The following VPS54 variants were observed in gnomAD, a reference collection of about 807,000 sequenced individuals.
The protein encoded by VPS54 is VPS54 subunit of GARP complex.
In VPS54, 45 loss-of-function variants were observed where a neutral mutation model predicts 121.5. That is an observed-to-expected ratio of 0.37 (90% CI 0.29 to 0.47). The LOEUF is 0.47. Ranked by LOEUF, VPS54 falls within the 20% of genes least tolerant of loss-of-function variation. VPS54 has a pLI of 0.99. For missense variants in VPS54, 1,090 were observed against 1,131.4 expected, an observed-to-expected ratio of 0.96 and a Z score of 0.52; for synonymous variants, 371 against 385.8, an observed-to-expected ratio of 0.96 and a Z score of 0.45.
intron 6 of VPS54, among the ~76,000 whole-genome samples, chr2:63,964,973 G>C (rs978865870): frequency 1.3e-5 from 2 of 152,134 alleles, no homozygotes; most frequent in Non-Finnish European, 2.9e-5. Flanking sequence ...GACTTTCAAG[G>C]TGCTGACTTC....
intron 1 of VPS54, among the ~76,000 whole-genome samples, chr2:63,986,803 C>T (rs1177788512): frequency 1.3e-5 from 2 of 152,304 alleles, no homozygotes; most frequent in African/African-American, 2.4e-5. Flanking sequence ...GGTGAGATAG[C>T]TCATTGTACT....
chr2:64,011,513 C>T (rs568432477), intron 1 of VPS54, among the ~76,000 whole-genome samples: 114 of 152,120 alleles, frequency 7.5e-4, no homozygotes, highest in Non-Finnish European at 1.5e-3. Context: ...TTGCAGTGAG[C>T]CGTGATTATA....
intron 3 of VPS54, among the ~76,000 whole-genome samples, chr2:63,980,992 A>G (rs1281381387): frequency 6.6e-6 from 1 of 152,230 alleles, no homozygotes; most frequent in Admixed American, 6.5e-5. Flanking sequence ...CATATTCAAA[A>G]AAGTGCAAAG....
chr2:63,960,968 G>A (rs780460170), intron 7 of VPS54, among the ~76,000 whole-genome samples: 12 of 152,242 alleles, frequency 7.9e-5, no homozygotes, highest in Non-Finnish European at 1.3e-4. Context: ...GACTCAGAAC[G>A]TTTTCTTAAC....
At chr2:63,909,413 C>CTTTT (rs5831673) in intron 20 of VPS54, among the ~76,000 whole-genome samples, 1 of 69,922 alleles carries the variant, frequency 1.4e-5, no homozygotes, top group Admixed American at 1.9e-4. Context: ...TATTAGCTGC[C>CTTTT]TTTTTTTTTT....
chr2:63,913,164 G>A lies in VPS54; in HGVS notation c.2422+59C>T, dbSNP rs891357433. On this transcript the variant is annotated intron_variant, in intron 18 of 22. Coordinates refer to ENST00000272322, the MANE Select transcript of VPS54 (RefSeq NM_016516.3). Reference sequence around the variant, plus strand: ...AACATGAGGTATAAAAAAACATGATGAGAACAGTGACATCACTGTTAACAC... The same window carrying A: ...AACATGAGGTATAAAAAAACATGATAAGAACAGTGACATCACTGTTAACAC... 10 of 1,376,844 alleles carry A rather than the reference G, an allele frequency of 7.3e-6. No homozygotes were observed. In the South Asian group the frequency reaches 1.2e-4, roughly 17 times the overall value. 85.3% of individuals were successfully genotyped at this position (1,376,844 alleles called of 1,614,324 possible).
intron 1 of VPS54, among the ~76,000 whole-genome samples, chr2:64,009,584 G>C (rs554071031): frequency 6.6e-6 from 1 of 152,202 alleles, no homozygotes; most frequent in African/African-American, 2.4e-5. Flanking sequence ...CCAAAGTGCT[G>C]GGATTACAGG....
In VPS54 at chr2:63,914,818, A is replaced by T. The variant is rs759382151; in HGVS notation, c.2229-531T>A. 2.0e-5 allele frequency among the ~76,000 whole-genome samples: 3 copies of T among 152,118 alleles called. No individual in the cohort carries two copies. The South Asian group carries it at 6.2e-4, about 32-fold the overall frequency. On this transcript the variant is annotated intron_variant, in intron 16 of 22. Transcript: ENST00000272322. ...GGCTTCTAAGGAAAACATGTCTCCT[A>T]AGAATTTTATTGGTAGGTCACAAAA... is the stretch of plus-strand genomic sequence containing the variant.
intron 1 of VPS54, among the ~76,000 whole-genome samples, chr2:63,998,939 G>A (rs1677740273): frequency 6.6e-6 from 1 of 151,516 alleles, no homozygotes; most frequent in Admixed American, 6.6e-5. Context: ...CTTTTTTATT[G>A]AAGTACATAC....
In VPS54 at chr2:63,940,330, A is replaced by G. The variant is rs146325295; in HGVS notation, c.1398+2135T>C. Among the ~76,000 whole-genome samples the G allele has an allele frequency of 3.8e-4, 58 of 152,326 alleles. No homozygotes were observed. In the East Asian group the frequency reaches 0.01, roughly 27 times the overall value. On this transcript the variant is annotated intron_variant, in intron 11 of 22. Transcript: ENST00000272322. ...TTCACAGAAAAAAGTACCATATTTC[A>G]TGTCATCTGTAAAGATGTTGTACAT...
chr2:63,979,178 A>G (rs1676686279), intron 3 of VPS54, among the ~76,000 whole-genome samples: 1 of 150,504 alleles, frequency 6.6e-6, no homozygotes, highest in Non-Finnish European at 1.5e-5. Flanking sequence ...TTTTTGTTTC[A>G]CTAATTTTCT....
At chr2:63,926,553 A>G (rs983092591) in intron 12 of VPS54, among the ~76,000 whole-genome samples, 2 of 152,018 alleles carry the variant, frequency 1.3e-5, no homozygotes, top group Non-Finnish European at 2.9e-5. Context: ...TCTTGTCTAC[A>G]GCTCCCAGCG....
intron 1 of VPS54, among the ~76,000 whole-genome samples, chr2:64,008,732 G>C (rs983498190): frequency 6.6e-6 from 1 of 152,116 alleles, no homozygotes; most frequent in Non-Finnish European, 1.5e-5. Flanking sequence ...TGAAGCGCTA[G>C]ATCAAGAGCA....
intron 11 of VPS54, among the ~76,000 whole-genome samples, chr2:63,936,398 T>C (rs1448134988): frequency 6.6e-6 from 1 of 152,158 alleles, no homozygotes; most frequent in Non-Finnish European, 1.5e-5. Context: ...TTCTGAACTA[T>C]TACACAGTCT....
intron 20 of VPS54, among the ~76,000 whole-genome samples, chr2:63,900,765 G>GTT (rs202189162): frequency 2.0e-5 from 3 of 151,412 alleles, no homozygotes; most frequent in South Asian, 2.1e-4. Flanking sequence ...TTTTTTGTTT[G>GTT]TTTTTTTTGA....
intron 21 of VPS54, among the ~76,000 whole-genome samples, chr2:63,898,838 G>A (rs551539858): frequency 2.0e-5 from 3 of 152,118 alleles, no homozygotes; most frequent in African/African-American, 7.2e-5. Context: ...CAAAGTTCCA[G>A]GAGAGCGCAA....
At chr2:63,929,111 C>T (rs1404070809) in intron 12 of VPS54, among the ~76,000 whole-genome samples, 2 of 152,078 alleles carry the variant, frequency 1.3e-5, no homozygotes, top group Non-Finnish European at 2.9e-5. Context: ...ATCAACACGA[C>T]AGAAAATTAA....
intron 12 of VPS54, among the ~76,000 whole-genome samples, chr2:63,931,682 G>A (rs577820382): frequency 6.6e-6 from 1 of 152,316 alleles, no homozygotes; most frequent in East Asian, 1.9e-4. Context: ...AAGAGCTTCT[G>A]CACAGCAAAA....
intron 12 of VPS54, among the ~76,000 whole-genome samples, chr2:63,928,917 AAAG>A (rs1253517445): frequency 2.6e-5 from 4 of 152,098 alleles, no homozygotes; most frequent in East Asian, 1.9e-4. Flanking sequence ...CAAAAGACAC[AAAG>A]AAGACCATTA....
Sources: gnomAD v4.1 joint callset for allele counts (sites outside exome capture counted in the v4.1 genomes callset) on GRCh38, gnomAD v4.1.1 for gene constraint, MANE v1.5 for transcripts, NCBI Gene and HGNC (gene_info 2026-07-23, HGNC 2026-07-21) for gene names.